LRP1B: variants seen among roughly 807,000 people sequenced by gnomAD.
LRP1B encodes LDL receptor related protein 1B, also known as low-density lipoprotein receptor-related protein 1B.
A neutral mutation model predicts 556.6 loss-of-function variants in LRP1B; 217 were observed. The ratio of observed to expected loss-of-function variants is 0.39; its 90% CI spans 0.35 to 0.44. The LOEUF is 0.44. LRP1B is among the 20% of genes least tolerant of loss of function. The pLI is 1.00. For synonymous variants in LRP1B, 2,047 were observed against 1,865.8 expected (o/e 1.10, Z -2.50); for missense variants, 5,053 against 5,620.8 (o/e 0.90, Z 3.23).
At chr2:140,939,603 A>C (rs564644824) in intron 20 of LRP1B, among the ~76,000 whole-genome samples, 1 of 150,624 alleles carries the variant, frequency 6.6e-6, no homozygotes, top group Non-Finnish European at 1.5e-5. Context: ...CTATGTAAAT[A>C]AGATATCACA....
intron 7 of LRP1B, among the ~76,000 whole-genome samples, chr2:141,098,533 T>C: frequency 6.6e-6 from 1 of 152,242 alleles, no homozygotes; most frequent in East Asian, 1.9e-4. Flanking sequence ...TCAATTGTTT[T>C]TCTTCAGGCT....
At chr2:141,766,618 G>A (rs1694740753) in intron 2 of LRP1B, among the ~76,000 whole-genome samples, 3 of 152,124 alleles carry the variant, frequency 2.0e-5, no homozygotes, top group Non-Finnish European at 4.4e-5. Context: ...ACAGAAAATG[G>A]AGAGAGGCAA....
At chr2:140,309,584 A>T (rs1172143968) in intron 83 of LRP1B, among the ~76,000 whole-genome samples, 1 of 151,814 alleles carries the variant, frequency 6.6e-6, no homozygotes, top group Non-Finnish European at 1.5e-5. Flanking sequence ...ATGAAGATTC[A>T]AAGGGAGAGA....
chr2:141,471,700 A>C (rs1682479479), intron 3 of LRP1B, among the ~76,000 whole-genome samples: 1 of 152,200 alleles, frequency 6.6e-6, no homozygotes, highest in Non-Finnish European at 1.5e-5. Flanking sequence ...CCATGAAGGC[A>C]GAAAATATGT....
chr2:141,146,769 C>T (rs1171132911), intron 7 of LRP1B, among the ~76,000 whole-genome samples: 1 of 152,152 alleles, frequency 6.6e-6, no homozygotes, highest in Admixed American at 6.5e-5. Context: ...CTATAGATGG[C>T]TGTTCTTCTC....
At chr2:140,560,790 T>C (rs1680901438) in intron 43 of LRP1B, among the ~76,000 whole-genome samples, 1 of 152,038 alleles carries the variant, frequency 6.6e-6, no homozygotes, top group East Asian at 1.9e-4. Context: ...TATAGGAAAA[T>C]GAAAAGAAAC....
chr2:140,628,394 G>A (rs138266423), intron 41 of LRP1B, among the ~76,000 whole-genome samples: 3,136 of 151,964 alleles, frequency 0.021, 120 homozygotes, highest in African/African-American at 0.07. Flanking sequence ...TAAATTAGCC[G>A]GGCATGGTGG....
intron 32 of LRP1B, among the ~76,000 whole-genome samples, chr2:140,810,612 G>A (rs1030536650): frequency 1.3e-5 from 2 of 152,094 alleles, no homozygotes; most frequent in African/African-American, 2.4e-5. Flanking sequence ...AGCCAAACCA[G>A]AAAATGTTAT....
At chr2:140,705,762 T>C (rs11883678) in intron 37 of LRP1B, among the ~76,000 whole-genome samples, 1 of 151,932 alleles carries the variant, frequency 6.6e-6, no homozygotes, top group Non-Finnish European at 1.5e-5. Context: ...ATTCTTTTCC[T>C]GTGGAAAACA....
intron 86 of LRP1B, among the ~76,000 whole-genome samples, chr2:140,258,672 C>G (rs1681802586): frequency 6.6e-6 from 1 of 152,032 alleles, no homozygotes; most frequent in Non-Finnish European, 1.5e-5. Flanking sequence ...ATATATATTA[C>G]ATTTTTAATC....
chr2:140,634,668 T>C (rs1359997247), intron 41 of LRP1B, among the ~76,000 whole-genome samples: 2 of 152,036 alleles, frequency 1.3e-5, no homozygotes, highest in Non-Finnish European at 2.9e-5. Context: ...ATGATGAAAA[T>C]GGCACTTCCT....
rs1559131587 is a variant in LRP1B, at chr2:141,544,387, C to CTTCTTCTTCTTCTTCTTCTTCTTCTTCTT, written c.206-63855_206-63854insAAGAAGAAGAAGAAGAAGAAGAAGAAGAA. On this transcript the variant is annotated intron_variant, in intron 2 of 90. Transcript: ENST00000389484. Reference sequence around the variant, plus strand: ...TTCTTCTTCTTCTTCTTCTTCTCCTCCTCCTCCTCCTCCTCCTCCTCCTCC... The same window carrying CTTCTTCTTCTTCTTCTTCTTCTTCTTCTT: ...TTCTTCTTCTTCTTCTTCTTCTCCTCTTCTTCTTCTTCTTCTTCTTCTTCTTCTTCTCCTCCTCCTCCTCCTCCTCCTCC... 1.3e-4 allele frequency among the ~76,000 whole-genome samples: 6 copies of CTTCTTCTTCTTCTTCTTCTTCTTCTTCTT among 44,572 alleles called. 1 individual carries two copies. Among genetic ancestry groups the CTTCTTCTTCTTCTTCTTCTTCTTCTTCTT allele is most frequent in the South Asian group, 2.1e-3 (2 of 940 alleles). 29.2% of individuals were successfully genotyped at this position (44,572 alleles called of 152,430 possible).
intron 3 of LRP1B, among the ~76,000 whole-genome samples, chr2:141,392,460 TAAAA>T (rs10636398): frequency 2.1e-5 from 2 of 96,082 alleles, no homozygotes; most frequent in Non-Finnish European, 3.9e-5. Context: ...TGTCCTCTCT[TAAAA>T]AAAAAAAAAA....
chr2:141,645,800 G>T (rs1024391449), intron 2 of LRP1B, among the ~76,000 whole-genome samples: 3 of 151,852 alleles, frequency 2.0e-5, no homozygotes, highest in Non-Finnish European at 2.9e-5. Flanking sequence ...CAACGTCAAG[G>T]ATAAATACAA....
At chr2:141,392,479 AAAGAG>A (rs1690088268) in intron 3 of LRP1B, among the ~76,000 whole-genome samples, 1 of 147,124 alleles carries the variant, frequency 6.8e-6, no homozygotes, top group African/African-American at 2.7e-5. Context: ...AAAAAAAAAA[AAAGAG>A]AGACTGTCAC....
intron 2 of LRP1B, among the ~76,000 whole-genome samples, chr2:141,518,832 C>G (rs1266775213): frequency 1.3e-5 from 2 of 152,134 alleles, no homozygotes; most frequent in South Asian, 2.1e-4. Flanking sequence ...CGCCTGTAAT[C>G]CCAGCTACTT....
intron 2 of LRP1B, among the ~76,000 whole-genome samples, chr2:141,788,509 T>C (rs568213213): frequency 2.6e-5 from 4 of 152,168 alleles, no homozygotes; most frequent in South Asian, 2.1e-4. Context: ...TGTACTATTA[T>C]TCTTTTTTAT....
intron 2 of LRP1B, among the ~76,000 whole-genome samples, chr2:141,632,391 G>A (rs973089707): frequency 6.6e-6 from 1 of 152,114 alleles, no homozygotes; most frequent in African/African-American, 2.4e-5. Context: ...ATAGATGCTA[G>A]ACAGAGAGTA....
chr2:140,471,348 C>T (rs1186627912), intron 60 of LRP1B, among the ~76,000 whole-genome samples: 1 of 152,050 alleles, frequency 6.6e-6, no homozygotes, highest in Non-Finnish European at 1.5e-5. Flanking sequence ...AACGCATCTC[C>T]CACCAAAATA....
Sources: gnomAD v4.1 joint callset for allele counts (sites outside exome capture counted in the v4.1 genomes callset) on GRCh38, gnomAD v4.1.1 for gene constraint, MANE v1.5 for transcripts, NCBI Gene and HGNC (gene_info 2026-07-23, HGNC 2026-07-21) for gene names.